The following KCNK5 variants were observed in gnomAD, a reference collection of about 807,000 sequenced individuals.
KCNK5 encodes potassium channel subfamily K member 5.
A neutral mutation model predicts 32.9 loss-of-function variants in KCNK5; 18 were observed. The ratio of observed to expected loss-of-function variants is 0.55; its 90% confidence interval spans 0.38 to 0.81. KCNK5 has a LOEUF of 0.81. Ranked by LOEUF, KCNK5 falls within the 30% of genes least tolerant of loss-of-function variation. The pLI is 0.00. For missense variants in KCNK5, 507 were observed against 651.0 expected, an observed-to-expected ratio of 0.78 and a Z score of 2.41; for synonymous variants, 276 against 275.3, an observed-to-expected ratio of 1.00 and a Z score of -0.03.
At chr6:39,223,254 A>C (rs535753270) in intron 1 of KCNK5, among the ~76,000 whole-genome samples, 1 of 152,238 alleles carries the variant, frequency 6.6e-6, no homozygotes, top group East Asian at 1.9e-4. Flanking sequence ...TTCAGAGGCC[A>C]CTCCCACAAC....
intron 1 of KCNK5, among the ~76,000 whole-genome samples, chr6:39,206,038 C>T (rs1285390563): frequency 2.6e-5 from 4 of 152,204 alleles, no homozygotes; most frequent in Non-Finnish European, 5.9e-5. Context: ...TGAAGGGAAA[C>T]CAGACAAAAT....
chr6:39,221,171 T>C (rs1349528514), intron 1 of KCNK5, among the ~76,000 whole-genome samples: 2 of 152,226 alleles, frequency 1.3e-5, no homozygotes, highest in Non-Finnish European at 2.9e-5. Flanking sequence ...TTGCTTCTAC[T>C]GTGAGGTCGA....
rs1380395282 is a variant in KCNK5, at chr6:39,190,888, C to A, written c.*2G>T. 6.8e-7 allele frequency: 1 copy of A among 1,463,956 alleles called. No individual in the cohort carries two copies. The allele number at this position is 1,463,956 out of a possible 1,614,324, so 90.7% of individuals were successfully genotyped here. A position where few individuals can be genotyped will look rare whatever the true frequency, so the allele number is the denominator to read the frequency against. ...AAGGTGGGGTGGGGAGCCGGCCCTGCCTCATGTGCCCTTGGGGCTGTTAGC... is the reference window on the plus strand; with the variant it reads ...AAGGTGGGGTGGGGAGCCGGCCCTGACTCATGTGCCCTTGGGGCTGTTAGC... On this transcript the variant is annotated 3_prime_UTR_variant, in exon 5 of 5. Coordinates refer to ENST00000359534, the MANE Select transcript of KCNK5 (RefSeq NM_003740.4).
Position 39,194,372 on chromosome 6 carries a change from T to C in KCNK5, c.466-35A>G, listed in dbSNP as rs201053131. The stretch of plus-strand genomic sequence containing the variant: ...AGCAGGAGGCCAAGTCAGAGAATAG[T>C]GGAGACTTGGAAACCCAGCAAAGGC... On this transcript the variant is annotated intron_variant, in intron 3 of 4. Transcript: ENST00000359534. This position sits in a 1 kb window ranked among gnomAD's most constrained non-coding sequence, Gnocchi z 4.7. 1.3e-4 allele frequency: 196 copies of C among 1,566,908 alleles called. No individual in the cohort carries two copies. In the African/African-American group the frequency reaches 2.5e-3, roughly 20 times the overall value.
In KCNK5 at chr6:39,194,053, T is replaced by G. The variant is rs1770985922; in HGVS notation, c.634+116A>C. ...TGGCAGAGTGGGTTGAGAATCCCAC[T>G]GGGTAAGAGAAGTGCCCAGAACATG... On this transcript the variant is annotated intron_variant, in intron 4 of 4. Transcript: ENST00000359534. The surrounding 1 kb of genome is among the most constrained non-coding windows in gnomAD (Gnocchi z 4.7). 2.7e-6 allele frequency: 3 copies of G among 1,113,948 alleles called. No homozygotes were observed. The highest frequency in any genetic ancestry group is 4.0e-6 in the Non-Finnish European group (3 of 747,858). 69.0% of individuals were successfully genotyped at this position (1,113,948 alleles called of 1,614,324 possible).
rs529782681 is a variant in KCNK5, at chr6:39,191,124, G to A, written c.1266C>T (p.Phe422=). The A allele has an allele frequency of 2.2e-5, 36 of 1,614,206 alleles. No homozygotes were observed. The African/African-American group carries it at 2.5e-4, about 11-fold the overall frequency. The change falls in exon 5 of 5, where the codon TTC becomes TTT. Residue 422 remains phenylalanine (F), a synonymous_variant. Coordinates refer to ENST00000359534, the MANE Select transcript of KCNK5 (RefSeq NM_003740.4). This position sits in a 1 kb window ranked among gnomAD's most constrained non-coding sequence, Gnocchi z 5.8. ...CTGAGAGGCCAGCCTCCGTGTTCAC[G>A]AAGGTGATGCTGGCGTCCTGGAAGA... The part of the protein sequence containing the change: ...PLIFQDASIT[F]VNTEAGLSDE...
chr6:39,213,645 C>T (rs1771378713), intron 1 of KCNK5, among the ~76,000 whole-genome samples: 1 of 152,126 alleles, frequency 6.6e-6, no homozygotes, highest in South Asian at 2.1e-4. Flanking sequence ...AATGTGTATA[C>T]ACGGGTGGGA....
chr6:39,227,555 T>C (rs749750230), intron 1 of KCNK5, among the ~76,000 whole-genome samples: 45 of 152,088 alleles, frequency 3.0e-4, no homozygotes, highest in Non-Finnish European at 4.0e-4. Context: ...GACTCTCCAC[T>C]AAAATCCAAC....
Position 39,229,243 on chromosome 6 carries a change from C to G in KCNK5, c.-132G>C, listed in dbSNP as rs1008025467. The stretch of plus-strand genomic sequence containing the variant: ...CATGCGCAGTGCCCGGTACTCACCC[C>G]CCGCAAGCACCGCTCCCCGGACAGA... On this transcript the variant is annotated 5_prime_UTR_variant, in exon 1 of 5. Transcript: ENST00000359534. The G allele has an allele frequency of 3.4e-6, 3 of 894,234 alleles. No individual in the cohort carries two copies. The highest frequency in any genetic ancestry group is 2.7e-5 in the Admixed American group (1 of 37,554). The allele number at this position is 894,234 out of a possible 1,614,324, so 55.4% of individuals were successfully genotyped here.
At chr6:39,198,260 C>T (rs923288230) in intron 1 of KCNK5, among the ~76,000 whole-genome samples, 2 of 152,200 alleles carry the variant, frequency 1.3e-5, no homozygotes, top group Non-Finnish European at 2.9e-5. Context: ...CATTCAAAGG[C>T]AGACAAACAA....
In KCNK5 at chr6:39,218,132, G is replaced by A. The variant is rs190015035; in HGVS notation, c.186+10794C>T. Among the ~76,000 whole-genome samples, 175 of 149,418 alleles carry A rather than the reference G, an allele frequency of 1.2e-3. 2 individuals are homozygous for A. The East Asian group carries it at 0.028, about 24-fold the overall frequency. On this transcript the variant is annotated intron_variant, in intron 1 of 4. Transcript: ENST00000359534. ...GTCACCCAAGCTGGAGTGTAGAGGC[G>A]CGATTTTGGCTCACTGCCACCTCCG...
rs1770991906 is a variant in KCNK5 at position 39,194,364 on chromosome 6, G to C, written c.466-27C>G. 1 of 1,571,854 alleles carries C rather than the reference G, an allele frequency of 6.4e-7. No homozygotes were observed. Among genetic ancestry groups the C allele is most frequent in the African/African-American group, 1.4e-5 (1 of 73,864 alleles). On this transcript the variant is annotated intron_variant, in intron 3 of 4. Coordinates refer to ENST00000359534, the MANE Select transcript of KCNK5 (RefSeq NM_003740.4). The surrounding 1 kb of genome is among the most constrained non-coding windows in gnomAD (Gnocchi z 4.7). Reference sequence around the variant, plus strand: ...TGATGGGGAGCAGGAGGCCAAGTCAGAGAATAGTGGAGACTTGGAAACCCA... The same window carrying C: ...TGATGGGGAGCAGGAGGCCAAGTCACAGAATAGTGGAGACTTGGAAACCCA...
chr6:39,211,255 C>G lies in KCNK5; in HGVS notation c.187-15268G>C, dbSNP rs555494784. ...TTAGAAGGAATCTGGAGACTATGAG[C>G]AACAAGTCAGAGATCAATGAAAAAG... On this transcript the variant is annotated intron_variant, in intron 1 of 4. Transcript: ENST00000359534. Among the ~76,000 whole-genome samples the G allele has an allele frequency of 2.0e-5, 3 of 152,242 alleles. No homozygotes were observed. In the East Asian group the frequency reaches 5.8e-4, roughly 29 times the overall value.
At chr6:39,226,238 G>A (rs1242567165) in intron 1 of KCNK5, among the ~76,000 whole-genome samples, 2 of 152,198 alleles carry the variant, frequency 1.3e-5, no homozygotes, top group Non-Finnish European at 2.9e-5. Flanking sequence ...TTGGGAGAAT[G>A]AGTCACCAAA....
intron 1 of KCNK5, among the ~76,000 whole-genome samples, chr6:39,202,972 G>A (rs891769281): frequency 1.3e-5 from 2 of 152,120 alleles, no homozygotes; most frequent in Non-Finnish European, 2.9e-5. Context: ...AAAGAACCTA[G>A]GACTCAGTAA....
intron 4 of KCNK5, among the ~76,000 whole-genome samples, chr6:39,192,698 C>T (rs756211580): frequency 3.9e-5 from 6 of 152,172 alleles, no homozygotes; most frequent in Admixed American, 6.5e-5. Flanking sequence ...GTCTGCTCCA[C>T]ATCCCCCTCC....
intron 1 of KCNK5, among the ~76,000 whole-genome samples, chr6:39,199,018 T>C (rs896426491): frequency 6.6e-6 from 1 of 152,168 alleles, no homozygotes; most frequent in Non-Finnish European, 1.5e-5. Context: ...GAATGTTGCA[T>C]GTACCAGGCA....
At chr6:39,206,470 C>T (rs1008624328) in intron 1 of KCNK5, among the ~76,000 whole-genome samples, 2 of 152,178 alleles carry the variant, frequency 1.3e-5, no homozygotes, top group East Asian at 1.9e-4. Flanking sequence ...GTCCTTGGAG[C>T]AGGCCAGAAA....
At chr6:39,216,895 G>T (rs1771447266) in intron 1 of KCNK5, among the ~76,000 whole-genome samples, 1 of 152,090 alleles carries the variant, frequency 6.6e-6, no homozygotes, top group Non-Finnish European at 1.5e-5. Context: ...GCTGAGGCGG[G>T]CAGATCACCT....
Sources: allele counts gnomAD v4.1 joint callset (sites outside exome capture counted in the v4.1 genomes callset), GRCh38; gene constraint gnomAD v4.1.1; non-coding constraint Gnocchi (gnomAD v3.1); transcripts MANE v1.5; gene names NCBI Gene and HGNC (gene_info 2026-07-23, HGNC 2026-07-21).